ABCD3: variants seen among roughly 807,000 people sequenced by gnomAD.
ABCD3 encodes ATP-binding cassette sub-family D member 3.
Under a neutral mutation model 105.5 loss-of-function variants are expected in ABCD3, and 41 were observed. The observed-to-expected ratio is 0.39, with a 90% confidence interval of 0.30 to 0.50. The LOEUF (loss-of-function observed/expected upper bound fraction) is 0.50. Among genes scored for constraint, ABCD3 ranks in the 20% least tolerant of loss-of-function variants. The pLI, the probability that ABCD3 is intolerant of heterozygous loss-of-function variation, is 0.84. For missense variants in ABCD3, 622 were observed against 806.3 expected, an observed-to-expected ratio of 0.77 and a Z score of 2.77; for synonymous variants, 258 against 269.0, an observed-to-expected ratio of 0.96 and a Z score of 0.40.
chr1:94,446,938 A>G (rs531940391), intron 1 of ABCD3, among the ~76,000 whole-genome samples: 1 of 152,368 alleles, frequency 6.6e-6, no homozygotes, highest in South Asian at 2.1e-4. Flanking sequence ...TTCTAATTCC[A>G]GAGCAATTAA....
At chr1:94,390,720 C>A in the ABCD3 span, among the ~76,000 whole-genome samples, 1 of 152,276 alleles carries the variant, frequency 6.6e-6, no homozygotes, top group South Asian at 2.1e-4. Flanking sequence ...AAGTGTCTTA[C>A]CATGATGGCT....
the ABCD3 span, among the ~76,000 whole-genome samples, chr1:94,412,580 A>C: frequency 1.6e-4 from 24 of 152,330 alleles, no homozygotes; most frequent in Middle Eastern, 3.4e-3. Context: ...ACAAAGATGC[A>C]TTATACCTAT....
chr1:94,428,906 C>A (rs528982229), intron 1 of ABCD3, among the ~76,000 whole-genome samples: 1 of 152,178 alleles, frequency 6.6e-6, no homozygotes, highest in East Asian at 1.9e-4. Context: ...AACTGGGTAA[C>A]AGGCAGAGGT....
chr1:94,394,711 G>A, the ABCD3 span, among the ~76,000 whole-genome samples: 20 of 152,254 alleles, frequency 1.3e-4, no homozygotes, highest in African/African-American at 4.6e-4. Context: ...TCTCCACCAC[G>A]TGTCTTAGGT....
chr1:94,492,971 C>G (rs1343262713), intron 16 of ABCD3, among the ~76,000 whole-genome samples: 5 of 152,116 alleles, frequency 3.3e-5, no homozygotes, highest in African/African-American at 1.2e-4. Flanking sequence ...TATAATTTCA[C>G]TTTTATAGTC....
chr1:94,493,972 A>G (rs1649669504), intron 16 of ABCD3, among the ~76,000 whole-genome samples: 1 of 152,126 alleles, frequency 6.6e-6, no homozygotes, highest in Non-Finnish European at 1.5e-5. Flanking sequence ...GAGGGATAGC[A>G]TTAGGAGATA....
the ABCD3 span, among the ~76,000 whole-genome samples, chr1:94,408,900 A>G: frequency 1.3e-5 from 2 of 152,208 alleles, no homozygotes; most frequent in Non-Finnish European, 2.9e-5. Flanking sequence ...GCTTCCTCCT[A>G]TGTTAAACTG....
At chr1:94,503,620 T>C (rs1363967890) in intron 20 of ABCD3, among the ~76,000 whole-genome samples, 1 of 152,182 alleles carries the variant, frequency 6.6e-6, no homozygotes, top group Non-Finnish European at 1.5e-5. Context: ...CTCTGTGATC[T>C]GTACCTTTCA....
chr1:94,468,194 G>A (rs543156766), intron 4 of ABCD3, among the ~76,000 whole-genome samples, 187 bp downstream of exon 4: 4 of 152,286 alleles, frequency 2.6e-5, no homozygotes, highest in African/African-American at 9.6e-5. Flanking sequence ...GTGCTATACT[G>A]TGATGGGGTC....
At chr1:94,516,742 A>G (rs1421516139) in intron 22 of ABCD3, among the ~76,000 whole-genome samples, 2 of 151,930 alleles carry the variant, frequency 1.3e-5, no homozygotes, top group Non-Finnish European at 2.9e-5. Flanking sequence ...CAGTTTTTAT[A>G]GCTCTTTTTC....
intron 14 of ABCD3, 33 bp from the exon 15 acceptor site, chr1:94,489,870 A>G (rs748464372): frequency 1.2e-6 from 2 of 1,611,854 alleles, no homozygotes; most frequent in Non-Finnish European, 1.7e-6. Context: ...TGCTGACATA[A>G]TATGATGCTT....
rs371770563 is a variant in ABCD3 at position 94,483,150 on chromosome 1, T to C, written c.828-20T>C. 51 of 1,484,886 alleles carry C rather than the reference T, an allele frequency of 3.4e-5. No individual in the cohort carries two copies. The highest frequency in any genetic ancestry group is 6.7e-5 in the Admixed American group (4 of 59,702). The allele number at this position is 1,484,886 out of a possible 1,614,324, so 92.0% of individuals were successfully genotyped here. A position where few individuals can be genotyped will look rare whatever the true frequency, so the allele number is the denominator to read the frequency against. On this transcript the variant is annotated intron_variant, in intron 9 of 22. Coordinates refer to ENST00000370214, the MANE Select transcript of ABCD3 (RefSeq NM_002858.4). ...CATAGGTAACATTAAAATTAATTGC[T>C]AAATTATTTTCTTTAATAGTGAAGA...
chr1:94,412,437 A>G, the ABCD3 span, among the ~76,000 whole-genome samples: 1 of 152,286 alleles, frequency 6.6e-6, no homozygotes, highest in Non-Finnish European at 1.5e-5. Flanking sequence ...TCTGCTTAAT[A>G]TTATATTTGA....
chr1:94,420,091 C>G (rs1012629556), intron 1 of ABCD3, among the ~76,000 whole-genome samples: 1 of 152,142 alleles, frequency 6.6e-6, no homozygotes, highest in Non-Finnish European at 1.5e-5. Context: ...CCTACAAGTT[C>G]TGGATTACTT....
intron 10 of ABCD3, among the ~76,000 whole-genome samples, chr1:94,484,751 G>A (rs986733268): frequency 6.6e-6 from 1 of 151,994 alleles, no homozygotes; most frequent in African/African-American, 2.4e-5. Flanking sequence ...AAACCTGCAC[G>A]TTGTGCACAT....
At chr1:94,393,393 C>T in the ABCD3 span, among the ~76,000 whole-genome samples, 1 of 151,966 alleles carries the variant, frequency 6.6e-6, no homozygotes, top group East Asian at 1.9e-4. Context: ...AATCCCAGCA[C>T]TTTGGGAGGC....
chr1:94,478,167 T>A (rs547389266), intron 7 of ABCD3, 92 bp from the exon 8 acceptor site: 2 of 788,996 alleles, frequency 2.5e-6, no homozygotes, highest in Non-Finnish European at 4.3e-6. Flanking sequence ...ATATATTAAA[T>A]GTTTAATGAC....
At position 94,517,253 on chromosome 1, in the gene ABCD3, T is replaced by G; in HGVS notation, c.*124T>G. 1.4e-6 allele frequency: 1 copy of G among 735,484 alleles called. No individual in the cohort carries two copies. Among genetic ancestry groups the G allele is most frequent in the Non-Finnish European group, 2.4e-6 (1 of 419,068 alleles). The allele number at this position is 735,484 out of a possible 1,614,324, so 45.6% of individuals were successfully genotyped here. On this transcript the variant is annotated 3_prime_UTR_variant, in exon 23 of 23. Coordinates refer to ENST00000370214, the MANE Select transcript of ABCD3 (RefSeq NM_002858.4). ...TAAAAAAAAAAACAAAGCAACAAAT[T>G]AACTAGATACAGAATAATGGAGAAC... is the stretch of plus-strand genomic sequence containing the variant.
chr1:94,399,001 A>C, the ABCD3 span, among the ~76,000 whole-genome samples: 12 of 152,328 alleles, frequency 7.9e-5, no homozygotes, highest in East Asian at 7.7e-4. Context: ...TCAAAAAAAA[A>C]ACAAAACTTG....
Sources: allele counts gnomAD v4.1 joint callset (sites outside exome capture counted in the v4.1 genomes callset), GRCh38; gene constraint gnomAD v4.1.1; transcripts MANE v1.5; gene names NCBI Gene and HGNC (gene_info 2026-07-23, HGNC 2026-07-21).